The following NR2E1 variants were observed in gnomAD, a reference collection of about 807,000 sequenced individuals.
NR2E1 encodes nuclear receptor TLX.
In NR2E1, 5 loss-of-function variants were observed where a neutral mutation model predicts 43.6. The observed-to-expected ratio is 0.11, with a 90% CI of 0.06 to 0.24. NR2E1 has a LOEUF of 0.24. NR2E1 is among the 10% of genes least tolerant of loss of function. The probability of loss-of-function intolerance (pLI) is 1.00; values close to 1 mark genes in which losing one functional copy is unlikely to be tolerated. For synonymous variants in NR2E1, 191 were observed against 195.5 expected (o/e 0.98, Z 0.19); for missense variants, 287 against 496.7 (o/e 0.58, Z 4.01).
rs192366748 is a variant in NR2E1 at position 108,182,051 on chromosome 6, C to A, written c.995+400C>A. 2.5e-3 allele frequency among the ~76,000 whole-genome samples: 378 copies of A among 152,170 alleles called. 2 individuals carry two copies. Among genetic ancestry groups the A allele is most frequent in the African/African-American group, 8.3e-3 (344 of 41,520 alleles). ...AGAAGATCGAGACCATCCTGGCTAA[C>A]ACAGTGAAACCCCGTCTCTACTAAA... On this transcript the variant is annotated intron_variant, in intron 8 of 8. Coordinates refer to ENST00000368986, the MANE Select transcript of NR2E1 (RefSeq NM_003269.5).
intron 3 of NR2E1, 122 bp from the exon 4 acceptor site, chr6:108,176,381 C>T: frequency 1.2e-6 from 1 of 842,454 alleles, no homozygotes; most frequent in Non-Finnish European, 1.9e-6. Flanking sequence ...TTCTTCTTTT[C>T]ACCTCTTGGG....
In NR2E1 at chr6:108,181,535, T is replaced by C. The variant is rs1340184640; in HGVS notation, c.890-11T>C. 3 of 1,608,538 alleles carry C rather than the reference T, an allele frequency of 1.9e-6. No individual in the cohort carries two copies. On this transcript the variant is annotated splice_polypyrimidine_tract_variant and intron_variant, in intron 7 of 8. Transcript: ENST00000368986. ...TGCTGTCTATCACAGTTTCCTGGTC[T>C]TCATTTCTAGTTCCTACACATAGTG...
intron 2 of NR2E1, among the ~76,000 whole-genome samples, chr6:108,173,206 T>C (rs1773840839): frequency 6.6e-6 from 1 of 152,240 alleles, no homozygotes; most frequent in Non-Finnish European, 1.5e-5. Context: ...TAGATATTTA[T>C]ATACATTTGA....
Position 108,171,427 on chromosome 6 carries a change from C to T in NR2E1, c.26-31C>T, listed in dbSNP as rs767181240. 9.3e-6 allele frequency: 15 copies of T among 1,612,536 alleles called. No individual in the cohort carries two copies. The African/African-American group carries it at 2.0e-4, about 21-fold the overall frequency. On this transcript the variant is annotated intron_variant, in intron 1 of 8. Coordinates refer to ENST00000368986, the MANE Select transcript of NR2E1 (RefSeq NM_003269.5). ...CGCCCTCCTTTCCCTCTCGCCCCTTCCCCCCTTCCCCGTCTTTCCTGCGAT... is the reference window on the plus strand; with the variant it reads ...CGCCCTCCTTTCCCTCTCGCCCCTTTCCCCCTTCCCCGTCTTTCCTGCGAT...
intron 3 of NR2E1, chr6:108,176,227 G>A: frequency 1.8e-6 from 1 of 549,612 alleles, no homozygotes. Context: ...GACCGAAGGA[G>A]AACACACCTG....
At position 108,176,770 on chromosome 6, in the gene NR2E1, G is replaced by T. The variant is rs747803803; in HGVS notation, c.495+32G>T. 2.6e-6 allele frequency: 4 copies of T among 1,531,386 alleles called. No individual in the cohort carries two copies. The South Asian group carries it at 4.8e-5, about 18-fold the overall frequency. 94.9% of individuals were successfully genotyped at this position (1,531,386 alleles called of 1,614,324 possible). On this transcript the variant is annotated intron_variant, in intron 4 of 8. Transcript: ENST00000368986. ...GGCCTTGCTGGGCCCAAAGAGACTCGTGCCAGCGAATGGAGAGGGACGCAC... is the reference window on the plus strand; with the variant it reads ...GGCCTTGCTGGGCCCAAAGAGACTCTTGCCAGCGAATGGAGAGGGACGCAC...
At position 108,169,252 on chromosome 6, in the gene NR2E1, G is replaced by T. The variant is rs548950470; in HGVS notation, c.26-2206G>T. 3.3e-5 allele frequency among the ~76,000 whole-genome samples: 5 copies of T among 152,292 alleles called. No homozygotes were observed. The South Asian group carries it at 1.0e-3, about 32-fold the overall frequency. ...GTTTCTAATCTGCCCCGGGAGCCGCGGCTCAGAGGTCTGCTCAGAGGCAGG... is the reference window on the plus strand; with the variant it reads ...GTTTCTAATCTGCCCCGGGAGCCGCTGCTCAGAGGTCTGCTCAGAGGCAGG... On this transcript the variant is annotated intron_variant, in intron 1 of 8. Transcript: ENST00000368986. The surrounding 1 kb of genome is among the most constrained non-coding windows in gnomAD (Gnocchi z 6.1).
rs1773712220 is a variant in NR2E1, at chr6:108,166,645, C to T, written c.-121C>T. 1 of 777,080 alleles carries T rather than the reference C, an allele frequency of 1.3e-6. No individual in the cohort carries two copies. The highest frequency in any genetic ancestry group is 3.0e-5 in the East Asian group (1 of 32,812). 48.1% of individuals were successfully genotyped at this position (777,080 alleles called of 1,614,324 possible). A position where few individuals can be genotyped will look rare whatever the true frequency, so the allele number is the denominator to read the frequency against. On this transcript the variant is annotated 5_prime_UTR_variant, in exon 1 of 9. Transcript: ENST00000368986. This position sits in a 1 kb window ranked among gnomAD's most constrained non-coding sequence, Gnocchi z 7.2. ...GCGCGCGACTGACACCCACCTGTCC[C>T]GCCCAGGAGCCTTGCAGGCTGGAGG... is the stretch of plus-strand genomic sequence containing the variant.
chr6:108,167,931 T>A, intron 1 of NR2E1: 2 of 1,377,870 alleles, frequency 1.5e-6, no homozygotes. Flanking sequence ...CCTACCCCCC[T>A]CCAAGAAGGA....
chr6:108,174,449 G>A (rs529577485), intron 2 of NR2E1, among the ~76,000 whole-genome samples: 1 of 152,272 alleles, frequency 6.6e-6, no homozygotes, highest in South Asian at 2.1e-4. Flanking sequence ...CTGGGGCCAA[G>A]TCGCTGTCTT....
chr6:108,175,196 C>G (rs1167467530), intron 3 of NR2E1, among the ~76,000 whole-genome samples: 1 of 152,212 alleles, frequency 6.6e-6, no homozygotes, highest in Non-Finnish European at 1.5e-5. Flanking sequence ...GGGGACCCCA[C>G]TCTCCAGGGG....
At chr6:108,175,315 G>A (rs1050233669) in intron 3 of NR2E1, among the ~76,000 whole-genome samples, 1 of 152,256 alleles carries the variant, frequency 6.6e-6, no homozygotes, top group Non-Finnish European at 1.5e-5. Flanking sequence ...ATAGTCTCAC[G>A]GGGAGGAGAT....
chr6:108,166,853 G>A lies in NR2E1; in HGVS notation c.25+63G>A. ...CAGCCTGGGGCGAGCGAGCGGGGAG[G>A]CTGGGGGAGGTCCTGCCTGGAGCGC... On this transcript the variant is annotated intron_variant, in intron 1 of 8. Transcript: ENST00000368986. This position sits in a 1 kb window ranked among gnomAD's most constrained non-coding sequence, Gnocchi z 7.2. 1 of 1,506,796 alleles carries A rather than the reference G, an allele frequency of 6.6e-7. No individual in the cohort carries two copies. The highest frequency in any genetic ancestry group is 9.0e-7 in the Non-Finnish European group (1 of 1,108,892). 93.3% of individuals were successfully genotyped at this position (1,506,796 alleles called of 1,614,324 possible).
Position 108,187,653 on chromosome 6 carries a change from G to C in NR2E1, c.*190G>C. Reference sequence around the variant, plus strand: ...TGCCGCCCTGACCAGGATAGGGCGGGTGGGAAGGAGAGGGGTGCAACAGGA... The same window carrying C: ...TGCCGCCCTGACCAGGATAGGGCGGCTGGGAAGGAGAGGGGTGCAACAGGA... On this transcript the variant is annotated 3_prime_UTR_variant, in exon 9 of 9. Transcript: ENST00000368986. The C allele has an allele frequency of 1.6e-6, 1 of 619,548 alleles. No individual in the cohort carries two copies. Among genetic ancestry groups the C allele is most frequent in the Non-Finnish European group, 2.9e-6 (1 of 350,686 alleles). 38.4% of individuals were successfully genotyped at this position (619,548 alleles called of 1,614,324 possible).
At chr6:108,168,001 G>T in intron 1 of NR2E1, 1 of 1,573,420 alleles carries the variant, frequency 6.4e-7, no homozygotes. Flanking sequence ...AGAGCAAAAT[G>T]AACGTGAACA....
intron 2 of NR2E1, among the ~76,000 whole-genome samples, chr6:108,173,773 C>G (rs931757484): frequency 1.8e-4 from 28 of 152,234 alleles, no homozygotes; most frequent in East Asian, 9.6e-4. Context: ...GTGTATAAAA[C>G]TCATGCACAT....
At chr6:108,168,521 G>C (rs1773751945) in intron 1 of NR2E1, among the ~76,000 whole-genome samples, 1 of 152,256 alleles carries the variant, frequency 6.6e-6, no homozygotes, top group Non-Finnish European at 1.5e-5. Context: ...ACCACAGCGG[G>C]CTCCTTGCGG....
chr6:108,179,544 T>A (rs1245679206), intron 5 of NR2E1, among the ~76,000 whole-genome samples: 1 of 142,030 alleles, frequency 7.0e-6, no homozygotes, highest in Non-Finnish European at 1.5e-5. Flanking sequence ...AGACTGGCTA[T>A]TTTTTTTCAA....
Position 108,181,628 on chromosome 6 carries a change from G to T in NR2E1, c.972G>T (p.Thr324=), listed in dbSNP as rs766209749. 4 of 1,614,100 alleles carry T rather than the reference G, an allele frequency of 2.5e-6. No homozygotes were observed. Among genetic ancestry groups the T allele is most frequent in the Non-Finnish European group, 3.4e-6 (4 of 1,179,944 alleles). ...CCCTTCAAGATGAGGCTCAGCTAAC[G>T]CTCAACAGCTACATCCATACCAGGT... The part of the protein sequence containing the change: ...IAALQDEAQL[T]LNSYIHTRYP... Residue 324 remains threonine, a synonymous_variant, in exon 8 of 9, where the codon ACG becomes ACT. Coordinates refer to ENST00000368986, the MANE Select transcript of NR2E1 (RefSeq NM_003269.5).
Sources: allele counts gnomAD v4.1 joint callset (sites outside exome capture counted in the v4.1 genomes callset), GRCh38; gene constraint gnomAD v4.1.1; non-coding constraint Gnocchi (gnomAD v3.1); transcripts MANE v1.5; gene names NCBI Gene and HGNC (gene_info 2026-07-23, HGNC 2026-07-21).